DOCK3: variants seen among roughly 807,000 people sequenced by gnomAD.
The protein encoded by DOCK3 is dedicator of cytokinesis 3, also known as dedicator of cytokinesis protein 3.
A neutral mutation model predicts 265.6 loss-of-function variants in DOCK3; 60 were observed. That is an observed-to-expected ratio of 0.23 (90% CI 0.18 to 0.28). The LOEUF (loss-of-function observed/expected upper bound fraction) is 0.28, where lower values mean the gene tolerates loss of function less well. Among genes scored for constraint, DOCK3 ranks in the 10% least tolerant of loss-of-function variants. DOCK3 has a pLI of 1.00. For synonymous variants in DOCK3, 881 were observed against 938.0 expected (o/e 0.94, Z 1.11); for missense variants, 1,981 against 2,594.3 (o/e 0.76, Z 5.14).
chr3:51,161,549 G>A (rs899004323), intron 12 of DOCK3, among the ~76,000 whole-genome samples: 5 of 152,192 alleles, frequency 3.3e-5, no homozygotes, highest in Admixed American at 3.3e-4. Flanking sequence ...AGCTTCCCAG[G>A]TAATTCTGAA....
intron 1 of DOCK3, among the ~76,000 whole-genome samples, chr3:50,726,257 T>G (rs527264159): frequency 6.6e-6 from 1 of 152,298 alleles, no homozygotes; most frequent in East Asian, 1.9e-4. Flanking sequence ...CTCTGTGGAT[T>G]CAGCAGGCTG....
chr3:50,726,282 A>G (rs1230108554), intron 1 of DOCK3, among the ~76,000 whole-genome samples: 1 of 152,142 alleles, frequency 6.6e-6, no homozygotes, highest in Non-Finnish European at 1.5e-5. Flanking sequence ...TACTACCTTC[A>G]GCCATTCAGA....
intron 12 of DOCK3, among the ~76,000 whole-genome samples, chr3:51,204,812 T>G (rs1020962603): frequency 3.9e-5 from 6 of 151,918 alleles, no homozygotes; most frequent in Non-Finnish European, 8.8e-5. Context: ...GTGGCACATA[T>G]ACACCATGGA....
At chr3:50,772,167 T>C (rs982707032) in intron 1 of DOCK3, among the ~76,000 whole-genome samples, 2 of 152,196 alleles carry the variant, frequency 1.3e-5, no homozygotes, top group African/African-American at 4.8e-5. Flanking sequence ...TGAAGATCAT[T>C]ATATTAAGTG....
At chr3:51,164,525 G>A (rs529412252) in intron 12 of DOCK3, among the ~76,000 whole-genome samples, 25 of 151,288 alleles carry the variant, frequency 1.7e-4, no homozygotes, top group Admixed American at 5.9e-4. Flanking sequence ...TGGGAAGGCC[G>A]AGGCAGGAGA....
intron 9 of DOCK3, among the ~76,000 whole-genome samples, chr3:51,112,664 T>A (rs1267312971): frequency 2.0e-5 from 3 of 152,140 alleles, no homozygotes; most frequent in African/African-American, 7.2e-5. Flanking sequence ...TAGAGGTATG[T>A]GAAGTGGGAG....
intron 22 of DOCK3, among the ~76,000 whole-genome samples, chr3:51,251,933 G>C (rs898617720): frequency 3.3e-5 from 5 of 152,160 alleles, no homozygotes; most frequent in African/African-American, 4.8e-5. Flanking sequence ...TGAAGTGCTT[G>C]CCCATGTCTA....
chr3:51,017,042 C>G (rs546958979), intron 5 of DOCK3, among the ~76,000 whole-genome samples: 2 of 145,044 alleles, frequency 1.4e-5, no homozygotes, highest in Admixed American at 1.4e-4. Flanking sequence ...TTTATTATGG[C>G]TTTGATCTTA....
At chr3:51,051,350 G>C (rs1440499954) in intron 5 of DOCK3, among the ~76,000 whole-genome samples, 1 of 152,174 alleles carries the variant, frequency 6.6e-6, no homozygotes, top group East Asian at 1.9e-4. Context: ...GGGGTGCCTT[G>C]GTCATTATTT....
intron 40 of DOCK3, among the ~76,000 whole-genome samples, chr3:51,354,333 G>A (rs2086215270): frequency 6.6e-6 from 1 of 151,898 alleles, no homozygotes. Flanking sequence ...CCTGTCCCGG[G>A]AAGCATATGG....
At chr3:50,723,164 G>C (rs548969390) in intron 1 of DOCK3, among the ~76,000 whole-genome samples, 5 of 152,116 alleles carry the variant, frequency 3.3e-5, no homozygotes, top group African/African-American at 1.2e-4. Flanking sequence ...TCATTTGGTG[G>C]TCTTGCAGAC....
chr3:51,034,886 C>T (rs1575831996), intron 5 of DOCK3, among the ~76,000 whole-genome samples: 1 of 152,158 alleles, frequency 6.6e-6, no homozygotes, highest in Non-Finnish European at 1.5e-5. Context: ...TTTTCTAATA[C>T]ATTAAATATG....
intron 49 of DOCK3, among the ~76,000 whole-genome samples, chr3:51,371,152 ATGT>A (rs1253617718): frequency 6.6e-6 from 1 of 152,204 alleles, no homozygotes; most frequent in East Asian, 1.9e-4. Context: ...ATTACACCTC[ATGT>A]TGTAAGGAAT....
intron 23 of DOCK3, among the ~76,000 whole-genome samples, chr3:51,261,825 C>T (rs1236143307): frequency 1.3e-5 from 2 of 152,192 alleles, no homozygotes; most frequent in Non-Finnish European, 2.9e-5. Context: ...GAGCCCACCA[C>T]AGTGCTGCCA....
At chr3:51,291,202 A>G (rs1418574893) in intron 27 of DOCK3, among the ~76,000 whole-genome samples, 1 of 152,220 alleles carries the variant, frequency 6.6e-6, no homozygotes, top group Non-Finnish European at 1.5e-5. Flanking sequence ...TCAAATAAGA[A>G]GCAAGATCTC....
intron 5 of DOCK3, among the ~76,000 whole-genome samples, chr3:50,947,367 A>T (rs1245220705): frequency 6.6e-6 from 1 of 152,086 alleles, no homozygotes; most frequent in South Asian, 2.1e-4. Flanking sequence ...TAGAGTGATT[A>T]TATGCCTTTT....
chr3:51,319,870 AAAC>A (rs1429103453), intron 32 of DOCK3, among the ~76,000 whole-genome samples: 4 of 151,782 alleles, frequency 2.6e-5, no homozygotes, highest in African/African-American at 9.7e-5. Flanking sequence ...TCTCAAAAAA[AAAC>A]AAACAACAAC....
intron 1 of DOCK3, among the ~76,000 whole-genome samples, chr3:50,731,184 T>A (rs1455389982): frequency 6.6e-6 from 1 of 151,632 alleles, no homozygotes; most frequent in East Asian, 1.9e-4. Flanking sequence ...CCCCTTAATA[T>A]TAACAATTTA....
intron 2 of DOCK3, among the ~76,000 whole-genome samples, chr3:50,819,970 A>AAAC (rs562804178): frequency 6.6e-6 from 1 of 152,146 alleles, no homozygotes; most frequent in Non-Finnish European, 1.5e-5. Flanking sequence ...TCAAAATAAA[A>AAAC]AACAACAACA....
Sources: gnomAD v4.1 joint callset for allele counts (sites outside exome capture counted in the v4.1 genomes callset) on GRCh38, gnomAD v4.1.1 for gene constraint, MANE v1.5 for transcripts, NCBI Gene and HGNC (gene_info 2026-07-23, HGNC 2026-07-21) for gene names.